MCM9: variants seen among roughly 807,000 people sequenced by gnomAD.
MCM9 encodes the protein DNA helicase MCM9.
In MCM9, 55 loss-of-function variants were observed where a neutral mutation model predicts 72.8. That is an observed-to-expected ratio of 0.76 (90% CI 0.61 to 0.95). The LOEUF is 0.95. Among genes scored for constraint, MCM9 ranks in the 40% least tolerant of loss-of-function variants. The pLI, the probability that MCM9 is intolerant of heterozygous loss-of-function variation, is 0.00. For synonymous variants in MCM9, 480 were observed against 503.4 expected, an observed-to-expected ratio of 0.95 and a Z score of 0.62; for missense variants, 1,279 against 1,377.0, an observed-to-expected ratio of 0.93 and a Z score of 1.13.
chr6:118,913,048 C>T (rs1489059974), intron 7 of MCM9: 1 of 395,054 alleles, frequency 2.5e-6, no homozygotes, highest in Non-Finnish European at 4.5e-6. Flanking sequence ...TTTGTGGCAT[C>T]CTTATAGGCT....
chr6:118,930,791 C>A (rs1782359767), intron 3 of MCM9, among the ~76,000 whole-genome samples: 1 of 152,122 alleles, frequency 6.6e-6, no homozygotes, highest in African/African-American at 2.4e-5. Flanking sequence ...TGTCACTTTT[C>A]CCTAAAATTC....
intron 13 of MCM9, among the ~76,000 whole-genome samples, chr6:118,818,253 T>A (rs748634680): frequency 6.6e-6 from 1 of 152,238 alleles, no homozygotes; most frequent in Non-Finnish European, 1.5e-5. Context: ...AGGGTTTTTA[T>A]GGTTTTAGGT....
At chr6:118,893,129 G>A (rs1779057462) in intron 8 of MCM9, among the ~76,000 whole-genome samples, 2 of 152,150 alleles carry the variant, frequency 1.3e-5, no homozygotes, top group African/African-American at 4.8e-5. Flanking sequence ...AAACGGTTTA[G>A]GCTCACAAAT....
chr6:118,817,434 C>T (rs1358115574), intron 13 of MCM9, among the ~76,000 whole-genome samples: 1 of 152,090 alleles, frequency 6.6e-6, no homozygotes, highest in Non-Finnish European at 1.5e-5. Flanking sequence ...TGATGGTTTC[C>T]AGCTTCATCC....
intron 8 of MCM9, among the ~76,000 whole-genome samples, chr6:118,904,172 C>G (rs1388148671): frequency 6.6e-6 from 1 of 152,152 alleles, no homozygotes; most frequent in Non-Finnish European, 1.5e-5. Context: ...TTAGAAAATT[C>G]TAAGCAATAT....
chr6:118,911,042 AT>A (rs1780509284), intron 8 of MCM9: 2 of 983,756 alleles, frequency 2.0e-6, no homozygotes, highest in African/African-American at 3.5e-5. Flanking sequence ...CATCAAACAT[AT>A]TTTTTAAAAT....
intron 8 of MCM9, among the ~76,000 whole-genome samples, chr6:118,862,670 G>A (rs1006499873): frequency 6.6e-6 from 1 of 152,150 alleles, no homozygotes; most frequent in African/African-American, 2.4e-5. Flanking sequence ...GCAATGGGGA[G>A]CAGCTATAAA....
At chr6:118,860,615 A>G (rs1288068492) in intron 8 of MCM9, among the ~76,000 whole-genome samples, 1 of 152,212 alleles carries the variant, frequency 6.6e-6, no homozygotes, top group Non-Finnish European at 1.5e-5. Context: ...CTCAGAGAAC[A>G]CCAGCAAAAT....
chr6:118,883,025 G>A (rs1463050978), intron 8 of MCM9, among the ~76,000 whole-genome samples: 1 of 149,260 alleles, frequency 6.7e-6, no homozygotes, highest in Non-Finnish European at 1.5e-5. Context: ...CAAATGTAGT[G>A]GGCAAAGCCT....
chr6:118,888,356 G>A (rs1251674739), intron 8 of MCM9, among the ~76,000 whole-genome samples: 6 of 152,038 alleles, frequency 3.9e-5, no homozygotes, highest in East Asian at 3.9e-4. Context: ...GTGTGGTGGC[G>A]GGCGCCTGTA....
intron 8 of MCM9, chr6:118,910,976 C>G (rs756267236): frequency 3.0e-5 from 30 of 985,214 alleles, no homozygotes; most frequent in Non-Finnish European, 3.3e-5. Context: ...AGCCAAGGGT[C>G]TGTTTTCAGA....
intron 9 of MCM9, among the ~76,000 whole-genome samples, chr6:118,833,633 C>T (rs1774746512): frequency 6.6e-6 from 1 of 152,182 alleles, no homozygotes. Context: ...CATACTACAA[C>T]ATGGAAGAAC....
chr6:118,897,454 A>G (rs1395095834), intron 8 of MCM9, among the ~76,000 whole-genome samples: 1 of 152,090 alleles, frequency 6.6e-6, no homozygotes, highest in Non-Finnish European at 1.5e-5. Context: ...ATATATATAT[A>G]TATCTTAATT....
intron 8 of MCM9, among the ~76,000 whole-genome samples, chr6:118,857,250 C>T (rs921146684): frequency 1.3e-5 from 2 of 152,032 alleles, no homozygotes; most frequent in Non-Finnish European, 2.9e-5. Context: ...TATTACATTC[C>T]AATGATGAAA....
At chr6:118,894,137 T>C in intron 8 of MCM9, 11 of 1,210,400 alleles carry the variant, frequency 9.1e-6, no homozygotes, top group Non-Finnish European at 1.1e-5. Context: ...AGGCCCTCGC[T>C]GGAGGAGGAG....
chr6:118,840,279 T>C (rs1471931108), intron 9 of MCM9, among the ~76,000 whole-genome samples: 1 of 152,058 alleles, frequency 6.6e-6, no homozygotes, highest in Non-Finnish European at 1.5e-5. Flanking sequence ...GTTATGGTAT[T>C]GGGAGGTGGG....
intron 3 of MCM9, among the ~76,000 whole-genome samples, chr6:118,926,727 T>C (rs1226140993): frequency 6.6e-6 from 1 of 152,250 alleles, no homozygotes; most frequent in Non-Finnish European, 1.5e-5. Context: ...TTATGAATAA[T>C]GCAACTACAA....
intron 13 of MCM9, among the ~76,000 whole-genome samples, chr6:118,824,345 C>CTTTTTTTTTTTT (rs781078527): frequency 0.02 from 3,010 of 148,440 alleles, 70 homozygotes; most frequent in African/African-American, 0.05. Flanking sequence ...TTTAGTCTTT[C>CTTTTTTTTTTTT]TTTTTTTTTC....
chr6:118,925,456 T>C (rs531581782), intron 3 of MCM9, among the ~76,000 whole-genome samples: 11 of 152,154 alleles, frequency 7.2e-5, no homozygotes, highest in Non-Finnish European at 1.6e-4. Flanking sequence ...TTAGGAAGTA[T>C]GAGGGGAAAA....
Sources: allele counts gnomAD v4.1 joint callset (sites outside exome capture counted in the v4.1 genomes callset), GRCh38; gene constraint gnomAD v4.1.1; transcripts MANE v1.5; gene names NCBI Gene and HGNC (gene_info 2026-07-23, HGNC 2026-07-21).